The following NCOA7 variants were observed in gnomAD, a reference collection of about 807,000 sequenced individuals.
NCOA7 encodes nuclear receptor coactivator 7.
NCOA7 carries 45 observed loss-of-function variants against 104.3 expected under a neutral mutation model. The ratio of observed to expected loss-of-function variants is 0.43; its 90% CI spans 0.34 to 0.55. NCOA7 has a LOEUF of 0.55. NCOA7 is among the 20% of genes least tolerant of loss of function. The pLI is 0.02. For synonymous variants in NCOA7, 398 were observed against 402.3 expected (o/e 0.99, Z 0.13); for missense variants, 1,041 against 1,119.7 (o/e 0.93, Z 1.00).
intron 13 of NCOA7, among the ~76,000 whole-genome samples, chr6:125,925,029 A>G (rs1787910380): frequency 6.6e-6 from 1 of 152,208 alleles, no homozygotes; most frequent in Non-Finnish European, 1.5e-5. Context: ...GGCTGAGAAT[A>G]CAGGGGTCTC....
At chr6:125,879,060 T>G (rs1260378872) in intron 5 of NCOA7, among the ~76,000 whole-genome samples, 1 of 152,186 alleles carries the variant, frequency 6.6e-6, no homozygotes, top group Non-Finnish European at 1.5e-5. Flanking sequence ...TTACTATTAG[T>G]GGAGAATTGC....
chr6:125,905,920 C>T (rs996548580), intron 10 of NCOA7, among the ~76,000 whole-genome samples: 4 of 152,116 alleles, frequency 2.6e-5, no homozygotes, highest in Admixed American at 2.6e-4. Context: ...TGTGCCTCAG[C>T]CACCCGAGTA....
chr6:125,868,560 A>G (rs1782623074), intron 3 of NCOA7, among the ~76,000 whole-genome samples: 1 of 152,208 alleles, frequency 6.6e-6, no homozygotes, highest in Admixed American at 6.5e-5. Flanking sequence ...TGACCCCTAA[A>G]CCAACCTGTG....
At chr6:125,796,185 C>G (rs1354798873) in intron 1 of NCOA7, among the ~76,000 whole-genome samples, 1 of 151,926 alleles carries the variant, frequency 6.6e-6, no homozygotes, top group Non-Finnish European at 1.5e-5. Flanking sequence ...TCTATATTAG[C>G]TATGTTATAG....
rs1176046677 is a variant in NCOA7, at chr6:125,929,240, T to G, written c.*469T>G. On this transcript the variant is annotated 3_prime_UTR_variant, in exon 16 of 16. Coordinates refer to ENST00000392477, the MANE Select transcript of NCOA7 (RefSeq NM_181782.5). Reference sequence around the variant, plus strand: ...CAGCACTTAAAGGGAATATATGAGGTTTTTTTTTTTTTAAAAAAAAACTTT... The same window carrying G: ...CAGCACTTAAAGGGAATATATGAGGGTTTTTTTTTTTTAAAAAAAAACTTT... 1 of 88,340 alleles carries G rather than the reference T, an allele frequency of 1.1e-5. No individual in the cohort carries two copies. The highest frequency in any genetic ancestry group is 2.2e-5 in the Non-Finnish European group (1 of 45,402). The allele number at this position is 88,340 out of a possible 1,614,324, so 5.5% of individuals were successfully genotyped here.
upstream of NCOA7, among the ~76,000 whole-genome samples, chr6:125,789,465 C>G (rs1774637328): frequency 6.6e-6 from 1 of 152,210 alleles, no homozygotes; most frequent in African/African-American, 2.4e-5. Context: ...ACTGTGAGAG[C>G]AGCTCAGCTT....
chr6:125,915,203 TG>T, intron 10 of NCOA7, 129 bp from the exon 11 acceptor site: 1 of 1,138,968 alleles, frequency 8.8e-7, no homozygotes, highest in Non-Finnish European at 1.2e-6. Context: ...ACCTTGATAA[TG>T]GGAAATTTTC....
In NCOA7 at chr6:125,865,547, A is replaced by T. The variant is rs1248452331; in HGVS notation, c.272-9342A>T. ...CAGCTTATACTTTAGGTTTCTCTTA[A>T]AGTGCTACCTAACAATACTGAATGT... is the stretch of plus-strand genomic sequence containing the variant. On this transcript the variant is annotated intron_variant, in intron 3 of 15. Transcript: ENST00000392477. 2.2e-5 allele frequency among the ~76,000 whole-genome samples: 3 copies of T among 136,486 alleles called. 1 individual carries two copies. Among genetic ancestry groups the T allele is most frequent in the African/African-American group, 9.3e-5 (3 of 32,188 alleles). The allele number at this position is 136,486 out of a possible 152,430, so 89.5% of individuals were successfully genotyped here.
chr6:125,870,426 G>A (rs972257735), intron 3 of NCOA7, among the ~76,000 whole-genome samples: 6 of 151,940 alleles, frequency 3.9e-5, no homozygotes, highest in African/African-American at 1.5e-4. Context: ...TTTTTTCCAT[G>A]GCCTCTGTGA....
chr6:125,812,969 A>G lies in NCOA7; in HGVS notation c.-64-2322A>G, dbSNP rs557018927. Among the ~76,000 whole-genome samples the G allele has an allele frequency of 9.2e-5, 14 of 152,206 alleles. No individual in the cohort carries two copies. In the South Asian group the frequency reaches 2.9e-3, roughly 32 times the overall value. ...CTTTCTATGTCAACTACTGCTGCCTAGTTTTGGGTGCTCCTCCCTCAATTA... is the reference window on the plus strand; with the variant it reads ...CTTTCTATGTCAACTACTGCTGCCTGGTTTTGGGTGCTCCTCCCTCAATTA... On this transcript the variant is annotated intron_variant, in intron 1 of 15. Transcript: ENST00000392477.
chr6:125,928,354 T>G, intron 15 of NCOA7, 107 bp downstream of exon 15: 1 of 1,000,780 alleles, frequency 1.0e-6, no homozygotes, highest in Non-Finnish European at 1.5e-6. Flanking sequence ...TTATTTTAGC[T>G]AGTCCATGTG....
intron 1 of NCOA7, among the ~76,000 whole-genome samples, chr6:125,806,157 A>G (rs896798934): frequency 9.2e-5 from 14 of 152,154 alleles, no homozygotes; most frequent in African/African-American, 3.4e-4. Context: ...CCTGGCCAAC[A>G]TGGCAAAACC....
rs527734696 is a variant in NCOA7, at chr6:125,880,620, T to C, written c.460-470T>C. Among the ~76,000 whole-genome samples the C allele has an allele frequency of 3.9e-3, 596 of 152,154 alleles. 3 individuals carry two copies. The highest frequency in any genetic ancestry group is 0.017 in the Middle Eastern group (5 of 294). ...TTGGCTCACTGCAACCTCTGCCTCC[T>C]GGGTTCAAGAGATTCTCCTGCCTCA... On this transcript the variant is annotated intron_variant, in intron 5 of 15. Coordinates refer to ENST00000392477, the MANE Select transcript of NCOA7 (RefSeq NM_181782.5).
At chr6:125,805,524 G>A (rs1455456497) in intron 1 of NCOA7, among the ~76,000 whole-genome samples, 1 of 152,162 alleles carries the variant, frequency 6.6e-6, no homozygotes, top group Non-Finnish European at 1.5e-5. Context: ...AGACAGAGCT[G>A]ATCATTCTGG....
chr6:125,928,149 T>C, intron 14 of NCOA7, 25 bp from the exon 15 acceptor site: 2 of 1,585,950 alleles, frequency 1.3e-6, no homozygotes. Context: ...AATGTCTGTT[T>C]TCTTTTTTGT....
intron 10 of NCOA7, among the ~76,000 whole-genome samples, chr6:125,908,166 AG>A (rs1203165227): frequency 6.6e-6 from 1 of 152,214 alleles, no homozygotes; most frequent in Non-Finnish European, 1.5e-5. Context: ...TGGTCACCCC[AG>A]ATTCCTGTCC....
In NCOA7 at chr6:125,880,944, G is replaced by A. The variant is rs566986330; in HGVS notation, c.460-146G>A. 1.5e-4 allele frequency: 97 copies of A among 636,560 alleles called. 2 individuals carry two copies. Among genetic ancestry groups the A allele is most frequent in the South Asian group, 1.1e-3 (59 of 53,426 alleles). The allele number at this position is 636,560 out of a possible 1,614,324, so 39.4% of individuals were successfully genotyped here. ...ATTTCATGGATTAGTCTAGAAAACC[G>A]TAAGTTGCTTATGAGTTTCTTGAAA... On this transcript the variant is annotated intron_variant, in intron 5 of 15. Coordinates refer to ENST00000392477, the MANE Select transcript of NCOA7 (RefSeq NM_181782.5).
chr6:125,865,497 CT>C (rs113589843), intron 3 of NCOA7, among the ~76,000 whole-genome samples: 2,645 of 127,578 alleles, frequency 0.021, 645 homozygotes, highest in African/African-American at 0.08. Context: ...CCTGACACAT[CT>C]TTTTTTTTTT....
chr6:125,825,038 A>G (rs1179734890), intron 2 of NCOA7, among the ~76,000 whole-genome samples: 3 of 152,078 alleles, frequency 2.0e-5, no homozygotes, highest in African/African-American at 7.2e-5. Flanking sequence ...TCCATCTCAA[A>G]AAGAATTATA....
Sources: gnomAD v4.1 joint callset for allele counts (sites outside exome capture counted in the v4.1 genomes callset) on GRCh38, gnomAD v4.1.1 for gene constraint, MANE v1.5 for transcripts, NCBI Gene and HGNC (gene_info 2026-07-23, HGNC 2026-07-21) for gene names.